Variants in NELL1 observed in about 807,000 individuals in gnomAD.
NELL1 encodes the protein neural EGFL like 1, also known as protein kinase C-binding protein NELL1.
A neutral mutation model predicts 107.4 loss-of-function variants in NELL1; 76 were observed. The observed-to-expected ratio is 0.71, with a 90% confidence interval of 0.59 to 0.86. The LOEUF (loss-of-function observed/expected upper bound fraction) is 0.86. Ranked by LOEUF, NELL1 falls within the 40% of genes least tolerant of loss-of-function variation. The pLI, the probability that NELL1 is intolerant of heterozygous loss-of-function variation, is 0.00. For missense variants in NELL1, 1,024 were observed against 1,005.5 expected (o/e 1.02, Z -0.25); for synonymous variants, 353 against 341.2 (o/e 1.03, Z -0.38).
At chr11:21,406,304 T>C (rs1004368802) in intron 15 of NELL1, among the ~76,000 whole-genome samples, 3 of 152,052 alleles carry the variant, frequency 2.0e-5, no homozygotes, top group Non-Finnish European at 4.4e-5. Context: ...GTACGTGTTT[T>C]TGATTAATCA....
intron 14 of NELL1, among the ~76,000 whole-genome samples, chr11:21,369,455 G>A (rs544106848): frequency 2.1e-5 from 3 of 143,218 alleles, no homozygotes; most frequent in African/African-American, 7.8e-5. Flanking sequence ...ACTATCCTTT[G>A]GCAGAGGCAG....
chr11:21,441,343 G>T (rs1258415631), intron 15 of NELL1, among the ~76,000 whole-genome samples: 2 of 132,346 alleles, frequency 1.5e-5, no homozygotes, highest in African/African-American at 3.1e-5. Context: ...GTGTGTGTGT[G>T]TGTGTGTGTG....
chr11:21,174,499 C>G (rs1374296981), intron 13 of NELL1, among the ~76,000 whole-genome samples: 3 of 151,596 alleles, frequency 2.0e-5, no homozygotes, highest in Non-Finnish European at 4.4e-5. Context: ...TTTTTCATTT[C>G]AAATGATAAG....
In NELL1 at chr11:20,970,065, A is replaced by G. The variant is rs1161407304; in HGVS notation, c.1300+9505A>G. On this transcript the variant is annotated intron_variant, in intron 12 of 19. Transcript: ENST00000357134. ...AATCTATCTCTCTGTCCATCCATCC[A>G]TCCATCCATCCATCCATCCATCCAT... 1.1e-4 allele frequency among the ~76,000 whole-genome samples: 16 copies of G among 140,506 alleles called. No individual in the cohort carries two copies. The East Asian group carries it at 3.0e-3, about 27-fold the overall frequency. 92.2% of individuals were successfully genotyped at this position (140,506 alleles called of 152,430 possible).
chr11:21,444,932 ATTGTACATT>A (rs1478211139), intron 15 of NELL1, among the ~76,000 whole-genome samples: 1 of 152,150 alleles, frequency 6.6e-6, no homozygotes, highest in Non-Finnish European at 1.5e-5. Context: ...TTAGGTATAC[ATTGTACATT>A]TTTAGATTTG....
Position 20,784,365 on chromosome 11 carries a change from A to G in NELL1, c.335+535A>G, listed in dbSNP as rs1856912360. ...GTAGCCAAGAAATGCTTTGGAAAAG[A>G]AGATAGTTGTATAAGGAAAAAAATG... is the stretch of plus-strand genomic sequence containing the variant. On this transcript the variant is annotated intron_variant, in intron 3 of 19. Transcript: ENST00000357134. Among the ~76,000 whole-genome samples, 3 of 152,224 alleles carry G rather than the reference A, an allele frequency of 2.0e-5. No homozygotes were observed. In the South Asian group the frequency reaches 6.2e-4, roughly 32 times the overall value.
intron 10 of NELL1, among the ~76,000 whole-genome samples, chr11:20,943,457 C>G (rs756021314): frequency 2.0e-5 from 3 of 151,962 alleles, no homozygotes; most frequent in African/African-American, 4.8e-5. Context: ...GTGGCACATG[C>G]CTGTAATCCC....
intron 2 of NELL1, among the ~76,000 whole-genome samples, chr11:20,696,016 G>A (rs1338471400): frequency 2.6e-5 from 4 of 151,922 alleles, no homozygotes; most frequent in Admixed American, 6.6e-5. Context: ...GAGAAGTTAC[G>A]TGTTTCCAGG....
At chr11:20,778,332 A>G (rs1402738528) in intron 2 of NELL1, among the ~76,000 whole-genome samples, 1 of 152,116 alleles carries the variant, frequency 6.6e-6, no homozygotes, top group Non-Finnish European at 1.5e-5. Context: ...AGTGCCTGGC[A>G]TAGGGGAAGC....
At chr11:21,199,092 A>G (rs1044985750) in intron 13 of NELL1, among the ~76,000 whole-genome samples, 4 of 152,122 alleles carry the variant, frequency 2.6e-5, no homozygotes, top group African/African-American at 9.7e-5. Flanking sequence ...AAATAGGCAA[A>G]CTCAAGGGCA....
intron 14 of NELL1, among the ~76,000 whole-genome samples, chr11:21,250,997 T>C (rs538555853): frequency 7.9e-5 from 12 of 152,104 alleles, no homozygotes; most frequent in Non-Finnish European, 1.6e-4. Context: ...GGCATTCTCT[T>C]TTCCTTTTGA....
At chr11:21,572,861 A>G (rs1215030811) in intron 18 of NELL1, among the ~76,000 whole-genome samples, 1 of 151,932 alleles carries the variant, frequency 6.6e-6, no homozygotes, top group Non-Finnish European at 1.5e-5. Flanking sequence ...ACAAGCAGAA[A>G]GTCTGAAAGC....
intron 16 of NELL1, among the ~76,000 whole-genome samples, chr11:21,539,318 G>A (rs1414756351): frequency 6.6e-6 from 1 of 152,074 alleles, no homozygotes; most frequent in African/African-American, 2.4e-5. Context: ...GTTACACTAT[G>A]TTCTGTTAGC....
chr11:21,307,233 A>G (rs1590822590), intron 14 of NELL1, among the ~76,000 whole-genome samples: 1 of 152,096 alleles, frequency 6.6e-6, no homozygotes. Flanking sequence ...AACAGATGGT[A>G]GTATTCATGC....
At chr11:21,416,299 G>A (rs1312132095) in intron 15 of NELL1, among the ~76,000 whole-genome samples, 1 of 152,056 alleles carries the variant, frequency 6.6e-6, no homozygotes, top group Admixed American at 6.6e-5. Context: ...ATACTACCTT[G>A]GATGGGATAA....
intron 14 of NELL1, among the ~76,000 whole-genome samples, chr11:21,269,129 G>GA (rs978324226): frequency 4.6e-5 from 7 of 151,490 alleles, no homozygotes; most frequent in South Asian, 2.1e-4. Context: ...AGAAAACTGA[G>GA]AAAAAAACAA....
intron 3 of NELL1, among the ~76,000 whole-genome samples, chr11:20,844,646 G>A (rs12284523): frequency 1.1e-4 from 16 of 151,642 alleles, no homozygotes; most frequent in Non-Finnish European, 1.8e-4. Context: ...TCACTTGCTC[G>A]TAGCGTCAGA....
intron 2 of NELL1, among the ~76,000 whole-genome samples, chr11:20,741,470 G>A (rs1855887926): frequency 6.6e-6 from 1 of 152,086 alleles, no homozygotes; most frequent in African/African-American, 2.4e-5. Flanking sequence ...CCAGGTCTCT[G>A]AAGCCTACAA....
chr11:21,083,341 A>G (rs556474243), intron 12 of NELL1, among the ~76,000 whole-genome samples: 3 of 152,270 alleles, frequency 2.0e-5, no homozygotes, highest in South Asian at 4.1e-4. Context: ...CCAGTCAAGG[A>G]CCAGTCTTCC....
Sources: allele counts gnomAD v4.1 joint callset (sites outside exome capture counted in the v4.1 genomes callset), GRCh38; gene constraint gnomAD v4.1.1; transcripts MANE v1.5; gene names NCBI Gene and HGNC (gene_info 2026-07-23, HGNC 2026-07-21).